The following GLIS3 variants were observed in gnomAD, a reference collection of about 807,000 sequenced individuals.
The protein encoded by GLIS3 is GLIS family zinc finger 3.
Under a neutral mutation model 78.6 loss-of-function variants are expected in GLIS3, and 53 were observed. The ratio of observed to expected loss-of-function variants is 0.67; its 90% CI spans 0.54 to 0.85. GLIS3 has a LOEUF of 0.85. GLIS3 is among the 40% of genes least tolerant of loss of function. GLIS3 has a pLI of 0.00. For synonymous variants in GLIS3, 684 were observed against 509.9 expected, an observed-to-expected ratio of 1.34 and a Z score of -4.60; for missense variants, 1,703 against 1,231.1, an observed-to-expected ratio of 1.38 and a Z score of -5.74.
chr9:4,343,129 A>G (rs986615601), intron 2 of GLIS3, among the ~76,000 whole-genome samples: 3 of 152,190 alleles, frequency 2.0e-5, no homozygotes, highest in Non-Finnish European at 4.4e-5. Context: ...ACTTGAGCCC[A>G]TGAATTTGAG....
At chr9:4,020,960 G>C (rs1165847293) in intron 4 of GLIS3, among the ~76,000 whole-genome samples, 1 of 152,124 alleles carries the variant, frequency 6.6e-6, no homozygotes, top group South Asian at 2.1e-4. Context: ...ACTTCTATGC[G>C]CTAGAGAAAG....
At chr9:4,366,083 T>C in the GLIS3 span, among the ~76,000 whole-genome samples, 2 of 152,212 alleles carry the variant, frequency 1.3e-5, no homozygotes, top group Admixed American at 1.3e-4. Flanking sequence ...CATAAGGGTA[T>C]GGGGCACCCA....
At chr9:4,328,655 C>T (rs893086891) in intron 2 of GLIS3, among the ~76,000 whole-genome samples, 1 of 152,230 alleles carries the variant, frequency 6.6e-6, no homozygotes, top group African/African-American at 2.4e-5. Context: ...GCCAGAGAGC[C>T]TGGGCTGGAA....
intron 4 of GLIS3, among the ~76,000 whole-genome samples, chr9:4,067,233 A>G (rs9695071): frequency 4.3e-4 from 65 of 151,820 alleles, no homozygotes; most frequent in African/African-American, 1.5e-3. Context: ...ACTTTAAAGT[A>G]TAATAGAAAG....
intron 2 of GLIS3, among the ~76,000 whole-genome samples, chr9:4,238,394 A>G (rs1481926210): frequency 6.6e-6 from 1 of 152,210 alleles, no homozygotes; most frequent in Non-Finnish European, 1.5e-5. Context: ...TGAGAATGAG[A>G]GAGTCTACCC....
intron 4 of GLIS3, among the ~76,000 whole-genome samples, chr9:4,066,585 A>C (rs1229751318): frequency 6.6e-6 from 1 of 152,190 alleles, no homozygotes; most frequent in Non-Finnish European, 1.5e-5. Context: ...CTTTCATCTG[A>C]GCCTTACAGA....
At chr9:4,401,729 C>G in the GLIS3 span, among the ~76,000 whole-genome samples, 2 of 151,906 alleles carry the variant, frequency 1.3e-5, no homozygotes, top group East Asian at 3.9e-4. Context: ...GTAGCTGGGA[C>G]TACAGGTGCA....
At position 4,086,727 on chromosome 9, in the gene GLIS3, C is replaced by T. The variant is rs571585155; in HGVS notation, c.1710+31041G>A. Among the ~76,000 whole-genome samples the T allele has an allele frequency of 2.0e-5, 3 of 152,324 alleles. No homozygotes were observed. In the South Asian group the frequency reaches 6.2e-4, roughly 32 times the overall value. The stretch of plus-strand genomic sequence containing the variant: ...AAACAGTGCTGAGCAGGCTCTACAG[C>T]ATGTGCCGGGCACTGTGCACAGGAG... On this transcript the variant is annotated intron_variant, in intron 4 of 10. Coordinates refer to ENST00000381971, the MANE Select transcript of GLIS3 (RefSeq NM_001042413.2).
chr9:3,904,683 T>A (rs1823540795), intron 6 of GLIS3, among the ~76,000 whole-genome samples: 1 of 152,214 alleles, frequency 6.6e-6, no homozygotes, highest in Non-Finnish European at 1.5e-5. Flanking sequence ...AAACACTGCA[T>A]TTCAATTAAA....
At chr9:4,190,573 G>A (rs1295237249) in intron 2 of GLIS3, among the ~76,000 whole-genome samples, 5 of 148,472 alleles carry the variant, frequency 3.4e-5, no homozygotes, top group African/African-American at 9.7e-5. Flanking sequence ...ACCTGAAAGT[G>A]ACGGGGAGAA....
At chr9:4,309,183 G>A (rs371400568) in intron 3 of GLIS3, among the ~76,000 whole-genome samples, 1 of 152,110 alleles carries the variant, frequency 6.6e-6, no homozygotes, top group Non-Finnish European at 1.5e-5. Context: ...CCCGTGCCTC[G>A]TTTACAACTG....
At chr9:4,444,350 T>G in the GLIS3 span, among the ~76,000 whole-genome samples, 2 of 152,254 alleles carry the variant, frequency 1.3e-5, no homozygotes, top group African/African-American at 4.8e-5. Flanking sequence ...AGATATTATG[T>G]AATCACATGC....
At chr9:4,232,429 G>C (rs1368630249) in intron 2 of GLIS3, among the ~76,000 whole-genome samples, 1 of 135,040 alleles carries the variant, frequency 7.4e-6, no homozygotes, top group Non-Finnish European at 1.6e-5. Context: ...AAGAAACAAA[G>C]AAACAAAGAA....
At chr9:4,471,127 C>T in the GLIS3 span, among the ~76,000 whole-genome samples, 23 of 152,298 alleles carry the variant, frequency 1.5e-4, no homozygotes, top group Admixed American at 9.8e-4. Flanking sequence ...AATGGAAGAA[C>T]GTTCCATGCT....
intron 2 of GLIS3, among the ~76,000 whole-genome samples, chr9:4,320,305 A>G (rs73386234): frequency 0.013 from 1,948 of 152,252 alleles, 35 homozygotes; most frequent in African/African-American, 0.044. Context: ...CTTTTGGATA[A>G]TAAAGAATAA....
chr9:3,911,951 T>G (rs550997334), intron 6 of GLIS3, among the ~76,000 whole-genome samples: 1 of 152,346 alleles, frequency 6.6e-6, no homozygotes, highest in South Asian at 2.1e-4. Flanking sequence ...TATCAACTTT[T>G]TCCTTTTGTG....
intron 1 of GLIS3, among the ~76,000 whole-genome samples, chr9:4,288,223 G>C (rs1013255895): frequency 6.6e-6 from 1 of 152,116 alleles, no homozygotes; most frequent in East Asian, 1.9e-4. Context: ...TCTGTACTTT[G>C]CCAGATAAAA....
chr9:4,217,530 T>C (rs940446576), intron 2 of GLIS3, among the ~76,000 whole-genome samples: 1 of 152,170 alleles, frequency 6.6e-6, no homozygotes, highest in African/African-American at 2.4e-5. Flanking sequence ...ATCATCTGCC[T>C]ATAAAGAGAT....
chr9:4,396,961 C>T, the GLIS3 span, among the ~76,000 whole-genome samples: 1 of 151,334 alleles, frequency 6.6e-6, no homozygotes, highest in Admixed American at 6.6e-5. Context: ...TAAGCAGCTT[C>T]TTCTCTTGTC....
Sources: allele counts gnomAD v4.1 joint callset (sites outside exome capture counted in the v4.1 genomes callset), GRCh38; gene constraint gnomAD v4.1.1; transcripts MANE v1.5; gene names NCBI Gene and HGNC (gene_info 2026-07-23, HGNC 2026-07-21).